The following ZNF177 variants were observed in gnomAD, a reference collection of about 807,000 sequenced individuals.
The protein encoded by ZNF177 is zinc finger protein 177.
A neutral mutation model predicts 19.4 loss-of-function variants in ZNF177; 17 were observed. The ratio of observed to expected loss-of-function variants is 0.87; its 90% CI spans 0.60 to 1.31. The LOEUF is 1.31. Ranked by LOEUF, ZNF177 falls within the 40% of genes most tolerant of loss-of-function variation. The pLI is 0.00. For missense variants in ZNF177, 633 were observed against 561.8 expected (o/e 1.13, Z -1.28); for synonymous variants, 220 against 188.7 (o/e 1.17, Z -1.36).
At chr19:9,380,834 G>T in exon 6 of ZNF177, 1 of 1,536,108 alleles carries the variant, frequency 6.5e-7, no homozygotes. Flanking sequence ...AGTCATGTGA[G>T]CATTCACATT....
chr19:9,374,748 A>G (rs1171922708), upstream of ZNF177, among the ~76,000 whole-genome samples: 2 of 151,886 alleles, frequency 1.3e-5, no homozygotes, highest in African/African-American at 4.8e-5. Flanking sequence ...TAGTTTTAAC[A>G]TTTTTTCATG....
At chr19:9,373,978 AAAT>A (rs2122525462), upstream of ZNF177, among the ~76,000 whole-genome samples, 1 of 152,228 alleles carries the variant, frequency 6.6e-6, no homozygotes, top group African/African-American at 2.4e-5. Context: ...TTTAAAAAAA[AAAT>A]TTGTCAAAAT....
chr19:9,374,131 T>C (rs540370138), upstream of ZNF177, among the ~76,000 whole-genome samples: 193 of 152,304 alleles, frequency 1.3e-3, no homozygotes, highest in Non-Finnish European at 2.4e-3. Context: ...ATATCTAGTT[T>C]TCCTTACACC....
intron 2 of ZNF177, among the ~76,000 whole-genome samples, chr19:9,368,397 T>C (rs925515621): frequency 1.3e-5 from 2 of 152,188 alleles, no homozygotes; most frequent in African/African-American, 4.8e-5. Flanking sequence ...CCTGAAAGTT[T>C]TGAATTTGAT....
At chr19:9,378,972 C>G in exon 3 of ZNF177, 1 of 1,606,664 alleles carries the variant, frequency 6.2e-7, no homozygotes, top group Non-Finnish European at 8.5e-7. Context: ...AACTCAGTAA[C>G]CTTCCAGGAA....
intron 1 of ZNF177, among the ~76,000 whole-genome samples, chr19:9,377,599 G>A (rs919885652): frequency 1.3e-5 from 2 of 152,136 alleles, no homozygotes; most frequent in Admixed American, 6.6e-5. Context: ...AGTTTAAAAA[G>A]TAAAATCGGG....
intron 2 of ZNF177, among the ~76,000 whole-genome samples, chr19:9,367,805 T>A (rs552245452): frequency 6.6e-6 from 1 of 152,304 alleles, no homozygotes; most frequent in South Asian, 2.1e-4. Context: ...GTTAATAGAA[T>A]AACCAAAGGC....
upstream of ZNF177, among the ~76,000 whole-genome samples, chr19:9,372,486 T>C (rs1305561772): frequency 6.6e-6 from 1 of 151,910 alleles, no homozygotes; most frequent in African/African-American, 2.4e-5. Context: ...ATTTTGCCAT[T>C]CTTATTACAT....
At chr19:9,380,799 C>T (rs1028239380) in exon 6 of ZNF177, 2 of 1,535,980 alleles carry the variant, frequency 1.3e-6, no homozygotes, top group African/African-American at 1.4e-5. Context: ...ATAGCAAAGT[C>T]TTCAACCATC....
chr19:9,380,890 CAAG>C (rs1568385200), exon 6 of ZNF177: 1 of 1,536,110 alleles, frequency 6.5e-7, no homozygotes, highest in Non-Finnish European at 8.7e-7. Context: ...AGCTTTCAAT[CAAG>C]AGTCATCCCT....
At chr19:9,376,020 C>CT (rs1373549445), upstream of ZNF177, among the ~76,000 whole-genome samples, 5 of 152,136 alleles carry the variant, frequency 3.3e-5, no homozygotes, top group African/African-American at 1.2e-4. Context: ...CATCTTTTTA[C>CT]TTTCGGGCTA....
intron 2 of ZNF177, among the ~76,000 whole-genome samples, chr19:9,370,604 T>C (rs1007389362): frequency 6.6e-5 from 10 of 152,038 alleles, no homozygotes. Flanking sequence ...CATATTTTTG[T>C]AGAGACAGGG....
chr19:9,371,942 A>T (rs2068051811), upstream of ZNF177, among the ~76,000 whole-genome samples: 2 of 152,182 alleles, frequency 1.3e-5, no homozygotes, highest in Admixed American at 1.3e-4. Context: ...AATTTTTATT[A>T]AGCTTTTATA....
chr19:9,379,202 T>C (rs537575840), intron 3 of ZNF177, 114 bp downstream of exon 5: 1 of 1,437,262 alleles, frequency 7.0e-7, no homozygotes, highest in African/African-American at 1.4e-5. Context: ...CCAAAATGAA[T>C]GGTCCCTGCC....
At chr19:9,365,642 G>A (rs532816225) in intron 2 of ZNF177, among the ~76,000 whole-genome samples, 34 of 152,228 alleles carry the variant, frequency 2.2e-4, no homozygotes, top group African/African-American at 6.3e-4. Flanking sequence ...TCAGGCAGGC[G>A]TCCCCGCATG....
At chr19:9,379,546 C>G in exon 4 of ZNF177, 1 of 1,613,856 alleles carries the variant, frequency 6.2e-7, no homozygotes, top group Admixed American at 1.7e-5. Context: ...TCTGCAGACA[C>G]AGTCTGATCT....
chr19:9,380,401 AATTC>A (rs1350230883), intron 5 of ZNF177, among the ~76,000 whole-genome samples: 4 of 152,328 alleles, frequency 2.6e-5, no homozygotes, highest in Non-Finnish European at 4.4e-5. Context: ...TTTAGTACAT[AATTC>A]ATTCATTCTT....
intron 2 of ZNF177, among the ~76,000 whole-genome samples, chr19:9,368,679 T>C (rs2068010929): frequency 6.6e-6 from 1 of 152,140 alleles, no homozygotes; most frequent in Non-Finnish European, 1.5e-5. Flanking sequence ...ATTCTACAAG[T>C]TGTGGTACTT....
intron 2 of ZNF177, among the ~76,000 whole-genome samples, chr19:9,370,310 C>T (rs1360090057): frequency 6.6e-6 from 1 of 152,046 alleles, no homozygotes; most frequent in Non-Finnish European, 1.5e-5. Flanking sequence ...TACACACATC[C>T]TCCCATAGAT....
Sources: gnomAD v4.1 joint callset for allele counts (sites outside exome capture counted in the v4.1 genomes callset) on GRCh38, gnomAD v4.1.1 for gene constraint, MANE v1.5 for transcripts, NCBI Gene and HGNC (gene_info 2026-07-23, HGNC 2026-07-21) for gene names.